ZNF124: variants seen among roughly 807,000 people sequenced by gnomAD.
The protein encoded by ZNF124 is zinc finger protein 124, also known as zinc finger protein HZF-16.
Under a neutral mutation model 26.6 loss-of-function variants are expected in ZNF124, and 25 were observed. The ratio of observed to expected loss-of-function variants is 0.94; its 90% CI spans 0.68 to 1.31. ZNF124 has a LOEUF of 1.31. Ranked by LOEUF, ZNF124 falls within the 40% of genes most tolerant of loss-of-function variation. The pLI, the probability that ZNF124 is intolerant of heterozygous loss-of-function variation, is 0.00. For missense variants in ZNF124, 444 were observed against 422.2 expected (o/e 1.05, Z -0.45); for synonymous variants, 129 against 133.3 (o/e 0.97, Z 0.22).
intron 3 of ZNF124, among the ~76,000 whole-genome samples, chr1:247,143,694 G>A (rs1042461093): frequency 6.6e-6 from 1 of 152,094 alleles, no homozygotes; most frequent in Non-Finnish European, 1.5e-5. Context: ...GGCAAGAGTC[G>A]GGCTATGTCT....
At chr1:247,134,379 A>C (rs1342215686) in intron 3 of ZNF124, among the ~76,000 whole-genome samples, 1 of 152,246 alleles carries the variant, frequency 6.6e-6, no homozygotes, top group African/African-American at 2.4e-5. Flanking sequence ...GCAAAGACAC[A>C]CATAGGTTCA....
At chr1:247,135,140 A>G (rs1672452501) in intron 3 of ZNF124, among the ~76,000 whole-genome samples, 1 of 152,216 alleles carries the variant, frequency 6.6e-6, no homozygotes, top group Non-Finnish European at 1.5e-5. Flanking sequence ...CTACATCAGA[A>G]AGCTAGAAGC....
chr1:247,167,136 G>A (rs1458209231), intron 1 of ZNF124, among the ~76,000 whole-genome samples: 1 of 152,158 alleles, frequency 6.6e-6, no homozygotes, highest in African/African-American at 2.4e-5. Flanking sequence ...GGAAACTACA[G>A]TATGAAAAAC....
chr1:247,126,090 G>A (rs1057471901), intron 3 of ZNF124, among the ~76,000 whole-genome samples: 2 of 152,060 alleles, frequency 1.3e-5, no homozygotes, highest in African/African-American at 4.8e-5. Flanking sequence ...GGTGAAACCC[G>A]TCTCTACTAA....
chr1:247,130,395 T>C (rs891154902), intron 3 of ZNF124, among the ~76,000 whole-genome samples: 2 of 152,204 alleles, frequency 1.3e-5, no homozygotes, highest in Non-Finnish European at 2.9e-5. Context: ...TCTTCCATTA[T>C]GGCTGCAGAA....
chr1:247,146,571 G>C (rs1672784279), intron 3 of ZNF124, among the ~76,000 whole-genome samples: 1 of 152,132 alleles, frequency 6.6e-6, no homozygotes, highest in Non-Finnish European at 1.5e-5. Context: ...TTAGGTGCAG[G>C]CTCTTTTTGT....
At chr1:247,150,868 T>C (rs1176204340), downstream of ZNF124, among the ~76,000 whole-genome samples, 1 of 150,088 alleles carries the variant, frequency 6.7e-6, no homozygotes, top group East Asian at 1.9e-4. Context: ...ATAAAAAATA[T>C]TTAATATACT....
chr1:247,143,418 C>G (rs1672679455), intron 3 of ZNF124, among the ~76,000 whole-genome samples: 1 of 152,080 alleles, frequency 6.6e-6, no homozygotes, highest in Non-Finnish European at 1.5e-5. Flanking sequence ...AGAATTTGAC[C>G]CCGGAAGGTG....
intron 3 of ZNF124, among the ~76,000 whole-genome samples, chr1:247,146,202 A>G (rs914153123): frequency 1.3e-5 from 2 of 152,188 alleles, no homozygotes; most frequent in Non-Finnish European, 2.9e-5. Context: ...AATTTAGGGA[A>G]TACTTAGTGA....
At chr1:247,124,564 T>C (rs977638682) in intron 3 of ZNF124, among the ~76,000 whole-genome samples, 2 of 152,136 alleles carry the variant, frequency 1.3e-5, no homozygotes, top group Non-Finnish European at 2.9e-5. Flanking sequence ...CAATTTGAGA[T>C]GATCACCCCA....
Position 247,156,980 on chromosome 1 carries a change from GGCTTTCCCACAGT to G in ZNF124, c.629_641del (p.His210ProfsTer40). ...AATGAAGGCAATTGGAGTAACGGAA[GGCTTTCCCACAGT>G]GCTTACATTCATAGGGTTTCTCTCC... On this transcript the variant is annotated frameshift_variant, in exon 4 of 4. Transcript: ENST00000543802. LOFTEE classifies it high-confidence loss of function. 1 of 1,612,936 alleles carries G rather than the reference GGCTTTCCCACAGT, an allele frequency of 6.2e-7. No individual in the cohort carries two copies. The highest frequency in any genetic ancestry group is 8.5e-7 in the Non-Finnish European group (1 of 1,179,392).
chr1:247,163,471 T>TAAA (rs564852380), intron 1 of ZNF124, among the ~76,000 whole-genome samples: 1 of 133,314 alleles, frequency 7.5e-6, no homozygotes. Context: ...TCACAGAAAC[T>TAAA]AAAAAAAAAA....
chr1:247,152,977 C>CA (rs1242241630), downstream of ZNF124, among the ~76,000 whole-genome samples: 25 of 152,064 alleles, frequency 1.6e-4, no homozygotes, highest in South Asian at 1.7e-3. Context: ...ACTAAAAATA[C>CA]AAAAAATTAG....
At chr1:247,152,332 CTATA>C (rs999858409), downstream of ZNF124, among the ~76,000 whole-genome samples, 4 of 149,624 alleles carry the variant, frequency 2.7e-5, no homozygotes, top group African/African-American at 9.7e-5. Flanking sequence ...TAATAAATAA[CTATA>C]TATGTAATTA....
chr1:247,125,619 A>G (rs1572053365), intron 3 of ZNF124, among the ~76,000 whole-genome samples: 2 of 150,910 alleles, frequency 1.3e-5, no homozygotes, highest in African/African-American at 4.9e-5. Context: ...TTTAGTAGAG[A>G]CGGGGTTTCA....
At chr1:247,151,963 C>T (rs1283718842), downstream of ZNF124, among the ~76,000 whole-genome samples, 1 of 151,654 alleles carries the variant, frequency 6.6e-6, no homozygotes, top group Non-Finnish European at 1.5e-5. Flanking sequence ...TGTTAGAGAT[C>T]AATATAGTGT....
Position 247,159,698 on chromosome 1 carries a change from A to G in ZNF124, c.146T>C (p.Leu49Pro). 6.2e-7 allele frequency: 1 copy of G among 1,611,330 alleles called. No homozygotes were observed. The highest frequency in any genetic ancestry group is 8.5e-7 in the Non-Finnish European group (1 of 1,179,352). Residue 49 changes from leucine (L) to proline (P), a missense_variant, in exon 2 of 4, where the codon CTG (leucine) becomes CCG (proline). Transcript: ENST00000543802. The part of the protein sequence containing the change: ...RDVMQETFRN[L>P]ASIGNKGEDQ... ...ATTGTGATTCTTACCTATGGAAGCC[A>G]GATTCCTGAAGGTTTCCTGCATCAC...
At position 247,156,611 on chromosome 1, in the gene ZNF124, T is replaced by C; in HGVS notation, c.1011A>G (p.Lys337=). ...FSRASTLWKH[K]KTHTGEKPYK... ...AGGGCTTTTCTCCAGTATGAGTTTT[T>C]TTATGCTTCCAAAGGGTACTAGCAC... The change falls in exon 4 of 4, where the codon AAA becomes AAG. Residue 337 remains lysine, a synonymous_variant. Transcript: ENST00000543802. 2.6e-6 allele frequency: 4 copies of C among 1,564,812 alleles called. No homozygotes were observed. The highest frequency in any genetic ancestry group is 3.4e-6 in the Non-Finnish European group (4 of 1,162,892).
intron 1 of ZNF124, among the ~76,000 whole-genome samples, chr1:247,163,078 A>C (rs577480875): frequency 6.6e-6 from 1 of 152,314 alleles, no homozygotes; most frequent in African/African-American, 2.4e-5. Flanking sequence ...AATGAAATTA[A>C]GGTAGAAACC....
Sources: allele counts gnomAD v4.1 joint callset (sites outside exome capture counted in the v4.1 genomes callset), GRCh38; gene constraint gnomAD v4.1.1; transcripts MANE v1.5; gene names NCBI Gene and HGNC (gene_info 2026-07-23, HGNC 2026-07-21).